Variants in MYBL2 observed in about 807,000 individuals in gnomAD.
The protein encoded by MYBL2 is myb-related protein B.
A neutral mutation model predicts 79.9 loss-of-function variants in MYBL2; 28 were observed. The ratio of observed to expected loss-of-function variants is 0.35; its 90% CI spans 0.26 to 0.48. MYBL2 has a LOEUF of 0.48. Ranked by LOEUF, MYBL2 falls within the 20% of genes least tolerant of loss-of-function variation. The pLI is 0.99. For missense variants in MYBL2, 735 were observed against 893.9 expected, an observed-to-expected ratio of 0.82 and a Z score of 2.27; for synonymous variants, 378 against 361.2, an observed-to-expected ratio of 1.05 and a Z score of -0.53.
intron 11 of MYBL2, among the ~76,000 whole-genome samples, chr20:43,711,993 G>A (rs568151642): frequency 7.2e-5 from 11 of 152,266 alleles, no homozygotes; most frequent in Admixed American, 3.9e-4. Flanking sequence ...CGCAGAAAGG[G>A]AGGTTCCAAA....
intron 1 of MYBL2, among the ~76,000 whole-genome samples, chr20:43,668,451 C>T (rs1222454799): frequency 6.6e-6 from 1 of 152,078 alleles, no homozygotes; most frequent in Non-Finnish European, 1.5e-5. Flanking sequence ...CCGCCCGACT[C>T]GGCCTCCCAA....
At chr20:43,673,100 C>T (rs1413126469) in intron 1 of MYBL2, among the ~76,000 whole-genome samples, 2 of 151,990 alleles carry the variant, frequency 1.3e-5, no homozygotes, top group African/African-American at 4.8e-5. Flanking sequence ...TGCGCCACCG[C>T]ACCCAGCTAA....
At chr20:43,687,101 G>T in intron 5 of MYBL2, 29 bp downstream of exon 5, 1 of 1,603,822 alleles carries the variant, frequency 6.2e-7, no homozygotes, top group South Asian at 1.1e-5. Context: ...GGTTGGGACA[G>T]GTTCCCGGGA....
chr20:43,702,273 T>C (rs564378217), intron 7 of MYBL2, among the ~76,000 whole-genome samples: 31 of 152,310 alleles, frequency 2.0e-4, no homozygotes, highest in African/African-American at 7.5e-4. Context: ...TACTCCAGCG[T>C]AGGCAACAGA....
intron 3 of MYBL2, 22 bp downstream of exon 3, chr20:43,681,877 C>T (rs111892429): frequency 1.5e-5 from 24 of 1,612,710 alleles, no homozygotes; most frequent in African/African-American, 1.3e-4. Context: ...CCTGCTGTGG[C>T]CCTCCCTCGG....
intron 2 of MYBL2, among the ~76,000 whole-genome samples, chr20:43,675,583 G>A (rs140535110): frequency 6.9e-4 from 105 of 152,228 alleles, no homozygotes; most frequent in African/African-American, 2.3e-3. Context: ...AAAGTGCTGG[G>A]ATTACAGGCA....
chr20:43,703,280 C>T (rs1305367833), intron 8 of MYBL2, among the ~76,000 whole-genome samples: 1 of 152,172 alleles, frequency 6.6e-6, no homozygotes, highest in Non-Finnish European at 1.5e-5. Context: ...GTCTCCAGCA[C>T]TGGCTGGCCC....
At chr20:43,668,150 C>T (rs1986766907) in intron 1 of MYBL2, among the ~76,000 whole-genome samples, 1 of 151,370 alleles carries the variant, frequency 6.6e-6, no homozygotes, top group African/African-American at 2.4e-5. Flanking sequence ...GTCCTGACCT[C>T]TTCCCTGCCT....
intron 6 of MYBL2, 75 bp from the exon 7 acceptor site, chr20:43,699,682 G>A (rs1987635658): frequency 1.4e-6 from 2 of 1,470,146 alleles, no homozygotes; most frequent in Non-Finnish European, 1.8e-6. Context: ...GATTCAGGTT[G>A]TGTGGTTTAG....
At chr20:43,715,877 AC>A in intron 13 of MYBL2, 81 bp from the exon 14 acceptor site, 3 of 1,499,084 alleles carry the variant, frequency 2.0e-6, no homozygotes, top group Non-Finnish European at 2.7e-6. Context: ...TTATAACTCT[AC>A]CCTTCCCTGG....
chr20:43,672,567 G>C (rs1405775290), intron 1 of MYBL2, among the ~76,000 whole-genome samples: 2 of 152,116 alleles, frequency 1.3e-5, no homozygotes, highest in East Asian at 3.9e-4. Context: ...GCAAAATAGT[G>C]AGATGTTTCT....
At chr20:43,681,631 T>C (rs1284913438) in intron 2 of MYBL2, among the ~76,000 whole-genome samples, 153 bp from the exon 3 acceptor site, 1 of 152,240 alleles carries the variant, frequency 6.6e-6, no homozygotes, top group Non-Finnish European at 1.5e-5. Context: ...TGCTGCCTGC[T>C]GCTGCAGCTG....
intron 5 of MYBL2, among the ~76,000 whole-genome samples, chr20:43,690,998 TTATGC>T (rs1203296890): frequency 2.6e-5 from 4 of 152,256 alleles, no homozygotes; most frequent in Admixed American, 2.6e-4. Context: ...ACTCTGTGCT[TTATGC>T]TACTGTTCTA....
At chr20:43,698,080 T>G (rs6103425) in intron 6 of MYBL2, among the ~76,000 whole-genome samples, 102,663 of 122,482 alleles carry the variant, frequency 0.84, 42,729 homozygotes, top group South Asian at 0.9. Flanking sequence ...TTTTTTTTTT[T>G]ATCTTGTTAC....
intron 8 of MYBL2, among the ~76,000 whole-genome samples, chr20:43,703,356 A>G (rs1987714309): frequency 6.6e-6 from 1 of 152,180 alleles, no homozygotes; most frequent in South Asian, 2.1e-4. Flanking sequence ...ATTAACCAGA[A>G]TAGAGTGTGG....
chr20:43,691,169 C>T (rs1415969910), intron 5 of MYBL2, among the ~76,000 whole-genome samples: 1 of 152,098 alleles, frequency 6.6e-6, no homozygotes, highest in Admixed American at 6.6e-5. Context: ...GGTGAACAGG[C>T]CTTGCATCTG....
intron 10 of MYBL2, among the ~76,000 whole-genome samples, chr20:43,710,455 G>A (rs775220698): frequency 2.0e-5 from 3 of 152,318 alleles, no homozygotes; most frequent in Non-Finnish European, 4.4e-5. Flanking sequence ...GTTCTCTACA[G>A]AGCACGGGAA....
chr20:43,705,270 C>T lies in MYBL2; in HGVS notation c.1417C>T (p.Leu473=). Reference sequence around the variant, plus strand: ...CACATTGGAGCTGGAGAGCCCCTCGCTGACATCCACCCCAGTGTGCAGCCA... The same window carrying T: ...CACATTGGAGCTGGAGAGCCCCTCGTTGACATCCACCCCAGTGTGCAGCCA... ...QDTLELESPS[L]TSTPVCSQKV... is the part of the protein sequence containing the mutation. Residue 473 remains leucine, a synonymous_variant, in exon 9 of 14, where the codon CTG becomes TTG. Coordinates refer to ENST00000217026, the MANE Select transcript of MYBL2 (RefSeq NM_002466.4). 5 of 1,614,142 alleles carry T rather than the reference C, an allele frequency of 3.1e-6. No homozygotes were observed. Among genetic ancestry groups the T allele is most frequent in the Non-Finnish European group, 4.2e-6 (5 of 1,180,024 alleles).
Position 43,716,243 on chromosome 20 carries a change from T to G in MYBL2, c.*156T>G. 8.9e-7 allele frequency: 1 copy of G among 1,118,550 alleles called. No homozygotes were observed. Among genetic ancestry groups the G allele is most frequent in the Non-Finnish European group, 1.2e-6 (1 of 814,218 alleles). The allele number at this position is 1,118,550 out of a possible 1,614,324, so 69.3% of individuals were successfully genotyped here. ...CTCAGGTGGAGGCAACAGGGCCATG[T>G]GCTGCCCTGTTGCCGAGCCCAGCTG... On this transcript the variant is annotated 3_prime_UTR_variant, in exon 14 of 14. Coordinates refer to ENST00000217026, the MANE Select transcript of MYBL2 (RefSeq NM_002466.4).
Sources: gnomAD v4.1 joint callset for allele counts (sites outside exome capture counted in the v4.1 genomes callset) on GRCh38, gnomAD v4.1.1 for gene constraint, MANE v1.5 for transcripts, NCBI Gene and HGNC (gene_info 2026-07-23, HGNC 2026-07-21) for gene names.